Variants in NAALADL2 observed in about 807,000 individuals in gnomAD.
The protein encoded by NAALADL2 is inactive N-acetylated-alpha-linked acidic dipeptidase-like protein 2.
A neutral mutation model predicts 87.2 loss-of-function variants in NAALADL2; 76 were observed. The ratio of observed to expected loss-of-function variants is 0.87; its 90% CI spans 0.72 to 1.05. The LOEUF is 1.05. Ranked by LOEUF, NAALADL2 falls within the 50% of genes least tolerant of loss-of-function variation. The probability of loss-of-function intolerance (pLI) is 0.00; values close to 1 mark genes in which losing one functional copy is unlikely to be tolerated. For missense variants in NAALADL2, 1,089 were observed against 945.8 expected (o/e 1.15, Z -1.99); for synonymous variants, 354 against 331.0 (o/e 1.07, Z -0.75).
At chr3:174,804,711 T>C (rs1416511127) in intron 3 of NAALADL2, among the ~76,000 whole-genome samples, 6 of 152,176 alleles carry the variant, frequency 3.9e-5, no homozygotes, top group Non-Finnish European at 7.3e-5. Flanking sequence ...TGGAAATTTA[T>C]ATGTGACTGT....
chr3:174,576,815 A>C (rs766452906), intron 2 of NAALADL2, among the ~76,000 whole-genome samples: 1 of 152,152 alleles, frequency 6.6e-6, no homozygotes, highest in Non-Finnish European at 1.5e-5. Flanking sequence ...TTATGTTCTC[A>C]TTTCATTGGT....
chr3:174,564,443 G>T (rs1713995819), intron 2 of NAALADL2, among the ~76,000 whole-genome samples: 1 of 152,044 alleles, frequency 6.6e-6, no homozygotes, highest in Non-Finnish European at 1.5e-5. Flanking sequence ...GAAACCCGGG[G>T]AACCCTACAG....
chr3:175,366,931 G>T lies in NAALADL2; in HGVS notation c.1090+42606G>T, dbSNP rs867014000. Reference sequence around the variant, plus strand: ...TTGGTGTTTTAGACTTGAAGTCCTTGCCCATGCCTATGTCCTGAATGGTAA... The same window carrying T: ...TTGGTGTTTTAGACTTGAAGTCCTTTCCCATGCCTATGTCCTGAATGGTAA... On this transcript the variant is annotated intron_variant, in intron 5 of 13. Coordinates refer to ENST00000454872, the MANE Select transcript of NAALADL2 (RefSeq NM_207015.3). 5.0e-4 allele frequency among the ~76,000 whole-genome samples: 76 copies of T among 151,646 alleles called. 1 individual carries two copies. In the Middle Eastern group the frequency reaches 0.017, roughly 34 times the overall value.
rs2056522 is a variant in NAALADL2 at position 174,792,830 on chromosome 3, A to G, written c.-9+55084A>G. Among the ~76,000 whole-genome samples the G allele has an allele frequency of 2.8e-3, 428 of 152,320 alleles. 1 individual carries two copies. The highest frequency in any genetic ancestry group is 9.8e-3 in the African/African-American group (407 of 41,564). On this transcript the variant is annotated intron_variant, in intron 3 of 3. Coordinates refer to the NAALADL2 transcript ENST00000434257. Reference sequence around the variant, plus strand: ...TAACTTCTAAGGAGTAGTAGCAAGCATAGATGGAATATTCATTTTGAGATA... The same window carrying G: ...TAACTTCTAAGGAGTAGTAGCAAGCGTAGATGGAATATTCATTTTGAGATA...
intron 3 of NAALADL2, among the ~76,000 whole-genome samples, chr3:174,759,449 G>A (rs865878456): frequency 1.3e-5 from 2 of 152,162 alleles, no homozygotes; most frequent in Admixed American, 6.5e-5. Flanking sequence ...TGGTAAAAAT[G>A]CAGATCTAAC....
At chr3:175,086,856 TA>T (rs1358415316) in intron 1 of NAALADL2, among the ~76,000 whole-genome samples, 2 of 152,198 alleles carry the variant, frequency 1.3e-5, no homozygotes, top group Admixed American at 1.3e-4. Context: ...AGCTTATTGC[TA>T]GATTATTTAT....
chr3:174,668,681 C>T lies in NAALADL2; in HGVS notation c.-114-68960C>T, dbSNP rs1726214624. On this transcript the variant is annotated intron_variant, in intron 2 of 3. Coordinates refer to the NAALADL2 transcript ENST00000434257. ...GTGAGAACATGCAGTGTTTGGTTTT[C>T]TGTCCCTGCAATAGTTTGCTGAGAA... 3.3e-5 allele frequency among the ~76,000 whole-genome samples: 5 copies of T among 152,216 alleles called. No homozygotes were observed. The South Asian group carries it at 1.0e-3, about 32-fold the overall frequency.
intron 11 of NAALADL2, among the ~76,000 whole-genome samples, chr3:175,678,575 G>A (rs1041669213): frequency 3.9e-5 from 6 of 152,126 alleles, no homozygotes; most frequent in South Asian, 2.1e-4. Flanking sequence ...TCCTTTTTAG[G>A]GACATGGATG....
At chr3:174,574,797 A>C (rs1408005815) in intron 2 of NAALADL2, among the ~76,000 whole-genome samples, 1 of 152,078 alleles carries the variant, frequency 6.6e-6, no homozygotes, top group East Asian at 1.9e-4. Flanking sequence ...CTGATTGGCT[A>C]CCTTCACTCA....
chr3:175,491,957 T>A (rs1728162170), intron 9 of NAALADL2, among the ~76,000 whole-genome samples: 1 of 152,204 alleles, frequency 6.6e-6, no homozygotes, highest in South Asian at 2.1e-4. Context: ...CTTTTGATAT[T>A]TTCTGACCTC....
At chr3:174,712,219 A>G (rs1206751198) in intron 2 of NAALADL2, among the ~76,000 whole-genome samples, 1 of 152,140 alleles carries the variant, frequency 6.6e-6, no homozygotes, top group Non-Finnish European at 1.5e-5. Context: ...TTGAGAACCT[A>G]GATTTGTCTG....
intron 1 of NAALADL2, among the ~76,000 whole-genome samples, chr3:174,451,566 A>G (rs961268662): frequency 2.0e-5 from 3 of 152,178 alleles, no homozygotes; most frequent in Non-Finnish European, 4.4e-5. Context: ...CATTGTGTTC[A>G]GGACAAAATA....
chr3:175,112,689 C>T (rs1479982988), intron 2 of NAALADL2: 1 of 151,576 alleles, frequency 6.6e-6, no homozygotes, highest in Non-Finnish European at 1.5e-5. Flanking sequence ...TATTGAATGC[C>T]TACTCTGTAC....
chr3:175,738,460 T>C (rs894457991), intron 12 of NAALADL2, among the ~76,000 whole-genome samples: 19 of 152,184 alleles, frequency 1.2e-4, no homozygotes, highest in Admixed American at 3.3e-4. Flanking sequence ...TTGTCCAGGC[T>C]GGTCGCAAAT....
chr3:174,932,195 C>T (rs1273470855), intron 1 of NAALADL2, among the ~76,000 whole-genome samples: 1 of 152,110 alleles, frequency 6.6e-6, no homozygotes, highest in Non-Finnish European at 1.5e-5. Flanking sequence ...ATTGCTTTCT[C>T]CCCAGGAGTT....
At chr3:174,542,365 G>A (rs1054613780) in intron 1 of NAALADL2, among the ~76,000 whole-genome samples, 1 of 152,082 alleles carries the variant, frequency 6.6e-6, no homozygotes, top group Non-Finnish European at 1.5e-5. Flanking sequence ...TATGGGCATG[G>A]ACTCTGCTTA....
At chr3:174,498,782 A>G (rs1006937850) in intron 1 of NAALADL2, among the ~76,000 whole-genome samples, 1 of 151,930 alleles carries the variant, frequency 6.6e-6, no homozygotes, top group Non-Finnish European at 1.5e-5. Flanking sequence ...TAGCTATTCT[A>G]ATAGAAGCAT....
chr3:174,712,682 G>C (rs554618738), intron 2 of NAALADL2, among the ~76,000 whole-genome samples: 34 of 151,952 alleles, frequency 2.2e-4, no homozygotes, highest in African/African-American at 8.2e-4. Flanking sequence ...TACCGCGCTC[G>C]GCCTCACTTC....
At chr3:175,014,019 G>A (rs1750503113) in intron 1 of NAALADL2, among the ~76,000 whole-genome samples, 1 of 152,068 alleles carries the variant, frequency 6.6e-6, no homozygotes, top group Non-Finnish European at 1.5e-5. Flanking sequence ...GTTAAAATCC[G>A]ACCTCTGTCA....
Sources: gnomAD v4.1 joint callset for allele counts (sites outside exome capture counted in the v4.1 genomes callset) on GRCh38, gnomAD v4.1.1 for gene constraint, MANE v1.5 for transcripts, NCBI Gene and HGNC (gene_info 2026-07-23, HGNC 2026-07-21) for gene names.